Variants in NUDCD1 observed in about 807,000 individuals in gnomAD.
The protein encoded by NUDCD1 is NudC domain containing 1, also known as nudC domain-containing protein 1.
In NUDCD1, 60 loss-of-function variants were observed where a neutral mutation model predicts 67.8. That is an observed-to-expected ratio of 0.88 (90% CI 0.72 to 1.10). The LOEUF (loss-of-function observed/expected upper bound fraction) is 1.10, where lower values mean the gene tolerates loss of function less well. Ranked by LOEUF, NUDCD1 falls within the 50% of genes least tolerant of loss-of-function variation. The probability of loss-of-function intolerance (pLI) is 0.00; values close to 1 mark genes in which losing one functional copy is unlikely to be tolerated. For missense variants in NUDCD1, 643 were observed against 695.0 expected (o/e 0.93, Z 0.84); for synonymous variants, 244 against 230.8 (o/e 1.06, Z -0.52).
At chr8:109,258,671 C>G (rs1468631621) in intron 8 of NUDCD1, among the ~76,000 whole-genome samples, 1 of 151,662 alleles carries the variant, frequency 6.6e-6, no homozygotes, top group African/African-American at 2.4e-5. Flanking sequence ...GAGAAAGGCT[C>G]AGTATATATG....
intron 5 of NUDCD1, among the ~76,000 whole-genome samples, chr8:109,281,435 C>T (rs1814436226): frequency 6.6e-6 from 1 of 151,948 alleles, no homozygotes; most frequent in Admixed American, 6.6e-5. Flanking sequence ...ATCCTTTATC[C>T]TCATTTCTTC....
intron 2 of NUDCD1, among the ~76,000 whole-genome samples, chr8:109,301,284 C>T (rs181694113): frequency 0.011 from 1,683 of 152,216 alleles, 28 homozygotes; most frequent in African/African-American, 0.038. Flanking sequence ...GTAATATTCT[C>T]CCCCCGCCCT....
chr8:109,298,255 C>A (rs1351798011), intron 2 of NUDCD1, among the ~76,000 whole-genome samples: 1 of 152,140 alleles, frequency 6.6e-6, no homozygotes, highest in African/African-American at 2.4e-5. Flanking sequence ...AAACATCAAG[C>A]TTACTGTGGT....
intron 8 of NUDCD1, among the ~76,000 whole-genome samples, chr8:109,260,629 A>G (rs1206719889): frequency 6.6e-6 from 1 of 152,264 alleles, no homozygotes; most frequent in African/African-American, 2.4e-5. Flanking sequence ...CATATCTCAG[A>G]TATCAATTCA....
At chr8:109,255,026 C>T (rs1025180374) in intron 8 of NUDCD1, among the ~76,000 whole-genome samples, 2 of 152,124 alleles carry the variant, frequency 1.3e-5, no homozygotes, top group African/African-American at 4.8e-5. Context: ...AGAGGAAACT[C>T]AAACTTGGTA....
intron 9 of NUDCD1, among the ~76,000 whole-genome samples, 186 bp downstream of exon 9, chr8:109,245,135 CA>C (rs1318199189): frequency 6.6e-6 from 1 of 151,942 alleles, no homozygotes; most frequent in African/African-American, 2.4e-5. Context: ...AGCATAAAAA[CA>C]GATTAGTCTA....
At chr8:109,301,051 A>T (rs1230879465) in intron 2 of NUDCD1, among the ~76,000 whole-genome samples, 2 of 152,198 alleles carry the variant, frequency 1.3e-5, no homozygotes, top group Admixed American at 6.5e-5. Context: ...AACAAATGCC[A>T]AGAGAATTCA....
At chr8:109,265,985 T>A (rs1813982950) in intron 8 of NUDCD1, among the ~76,000 whole-genome samples, 2 of 151,984 alleles carry the variant, frequency 1.3e-5, no homozygotes, top group Admixed American at 6.6e-5. Flanking sequence ...TTCACCATAA[T>A]CTAATACTTA....
chr8:109,268,078 T>A (rs1788972857), intron 8 of NUDCD1, among the ~76,000 whole-genome samples: 1 of 152,202 alleles, frequency 6.6e-6, no homozygotes, highest in Non-Finnish European at 1.5e-5. Flanking sequence ...AGATGAAATA[T>A]GGAATTTCTT....
intron 2 of NUDCD1, 90 bp downstream of exon 2, chr8:109,322,219 C>G (rs775811561): frequency 7.4e-5 from 47 of 636,688 alleles, no homozygotes; most frequent in South Asian, 7.3e-4. Context: ...CCTCACTTCT[C>G]TGGATATTAG....
At chr8:109,248,951 G>A (rs1018475605) in intron 8 of NUDCD1, among the ~76,000 whole-genome samples, 3 of 151,916 alleles carry the variant, frequency 2.0e-5, no homozygotes, top group Admixed American at 1.3e-4. Flanking sequence ...TATGCAAATG[G>A]CATCTTCTCC....
intron 8 of NUDCD1, among the ~76,000 whole-genome samples, chr8:109,246,685 G>A (rs1813504509): frequency 6.6e-6 from 1 of 152,106 alleles, no homozygotes; most frequent in Non-Finnish European, 1.5e-5. Context: ...TATGAGAAAT[G>A]TTATTATCAG....
In NUDCD1 at chr8:109,271,097, T is replaced by C. The variant is rs775381996; in HGVS notation, c.1207A>G (p.Asn403Asp). Residue 403 changes from asparagine (N) to aspartate (D), a missense_variant, in exon 8 of 10, where the codon AAT (asparagine) becomes GAT (aspartate). Asn to Asp is a conservative substitution (Grantham distance 23). Coordinates refer to ENST00000239690, the MANE Select transcript of NUDCD1 (RefSeq NM_032869.4). The stretch of plus-strand genomic sequence containing the variant: ...TCACATTCTTCTAACTCTTGAGCAT[T>C]GCAAGGTGGTTTTTCTTTATCTGGA... Reference protein sequence around the residue: ...PNPDKEKPPCNAQELEECDIF... With the variant: ...PNPDKEKPPCDAQELEECDIF... 17 of 1,580,212 alleles carry C rather than the reference T, an allele frequency of 1.1e-5. 1 individual carries two copies. In the East Asian group the frequency reaches 3.8e-4, roughly 36 times the overall value.
chr8:109,273,712 T>C (rs1016110916), intron 7 of NUDCD1, among the ~76,000 whole-genome samples: 7 of 152,048 alleles, frequency 4.6e-5, no homozygotes, highest in African/African-American at 1.4e-4. Flanking sequence ...AAGGTCCAGA[T>C]TGTTTTACTG....
chr8:109,269,505 G>C (rs1022016346), intron 8 of NUDCD1, among the ~76,000 whole-genome samples: 2 of 152,158 alleles, frequency 1.3e-5, no homozygotes, highest in Non-Finnish European at 2.9e-5. Context: ...TCAGTAAAAT[G>C]TTGGGCCAGA....
intron 8 of NUDCD1, among the ~76,000 whole-genome samples, chr8:109,252,893 G>A (rs148535842): frequency 1.1e-3 from 162 of 152,188 alleles, no homozygotes; most frequent in Non-Finnish European, 1.9e-3. Context: ...CTACATTTTA[G>A]GCAAAAGCAG....
Position 109,245,395 on chromosome 8 carries a change from A to G in NUDCD1, c.1386T>C (p.Asp462=), listed in dbSNP as rs760434103. The change falls in exon 9 of 10, where the codon GAT becomes GAC. Residue 462 remains aspartate, a synonymous_variant. Coordinates refer to ENST00000239690, the MANE Select transcript of NUDCD1 (RefSeq NM_032869.4). ...MPCFCLRHDV[D]ALLWQPHSSK... ...TGGAGTGTGGTTGCCAGAGTAGGGC[A>G]TCAACATCATGGCGCAAACAGAAGC... 1.4e-5 allele frequency: 22 copies of G among 1,613,820 alleles called. No homozygotes were observed. The highest frequency in any genetic ancestry group is 1.7e-5 in the Non-Finnish European group (20 of 1,179,902).
intron 6 of NUDCD1, among the ~76,000 whole-genome samples, chr8:109,277,556 C>T (rs868097970): frequency 6.6e-6 from 1 of 151,644 alleles, no homozygotes; most frequent in African/African-American, 2.4e-5. Flanking sequence ...CTTTTGAAAA[C>T]GAGAGGTACG....
At chr8:109,316,196 T>C (rs1467029158) in intron 2 of NUDCD1, 1 of 152,182 alleles carries the variant, frequency 6.6e-6, no homozygotes. Context: ...TTTAAACACA[T>C]TTTTGCTTTC....
Sources: allele counts gnomAD v4.1 joint callset (sites outside exome capture counted in the v4.1 genomes callset), GRCh38; gene constraint gnomAD v4.1.1; transcripts MANE v1.5; gene names NCBI Gene and HGNC (gene_info 2026-07-23, HGNC 2026-07-21).